The following NAB1 variants were observed in gnomAD, a reference collection of about 807,000 sequenced individuals.
The protein encoded by NAB1 is NGFI-A-binding protein 1.
NAB1 carries 25 observed loss-of-function variants against 49.9 expected under a neutral mutation model. The ratio of observed to expected loss-of-function variants is 0.50; its 90% confidence interval spans 0.37 to 0.70. The LOEUF (loss-of-function observed/expected upper bound fraction) is 0.70. NAB1 is among the 30% of genes least tolerant of loss of function. NAB1 has a pLI of 0.00. For missense variants in NAB1, 489 were observed against 575.9 expected, an observed-to-expected ratio of 0.85 and a Z score of 1.54; for synonymous variants, 198 against 215.6, an observed-to-expected ratio of 0.92 and a Z score of 0.71.
At position 190,677,323 on chromosome 2, in the gene NAB1, C is replaced by T. The variant is rs888540610; in HGVS notation, c.1005+4171C>T. 3 of 152,048 alleles carry T rather than the reference C, an allele frequency of 2.0e-5. No homozygotes were observed. Among genetic ancestry groups the T allele is most frequent in the African/African-American group, 7.2e-5 (3 of 41,396 alleles). The allele number at this position is 152,048 out of a possible 1,614,324, so 9.4% of individuals were successfully genotyped here. On this transcript the variant is annotated intron_variant, in intron 6 of 9. Coordinates refer to ENST00000337386, the MANE Select transcript of NAB1 (RefSeq NM_005966.4). The surrounding 1 kb of genome is among the most constrained non-coding windows in gnomAD (Gnocchi z 5.6). ...AAAAACAGATTTTGAACTTTAATTC[C>T]TAGAATATATGAGATGGACATGGAG...
rs1693829915 is a variant in NAB1 at position 190,654,638 on chromosome 2, G to C, written c.-196-1339G>C. On this transcript the variant is annotated intron_variant, in intron 2 of 9. Coordinates refer to ENST00000337386, the MANE Select transcript of NAB1 (RefSeq NM_005966.4). This position sits in a 1 kb window ranked among gnomAD's most constrained non-coding sequence, Gnocchi z 5.6. ...TGGGTCTGGGATGCCTATATGAGTA[G>C]TTTGGATTTCTTTCTCTGCACTGGT... Among the ~76,000 whole-genome samples the C allele has an allele frequency of 1.8e-5, 1 of 54,852 alleles. No homozygotes were observed. The highest frequency in any genetic ancestry group is 8.2e-4 in the South Asian group (1 of 1,220). 36.0% of individuals were successfully genotyped at this position (54,852 alleles called of 152,430 possible).
Position 190,659,477 on chromosome 2 carries a change from G to A in NAB1, c.301G>A (p.Glu101Lys), listed in dbSNP as rs1694104335. ...VSSIPIYKLPEGSPTWLGISC... is the reference protein window; with the variant it reads ...VSSIPIYKLPKGSPTWLGISC... Reference sequence around the variant, plus strand: ...TAGCATACCCATCTATAAATTACCAGAGGGATCACCAACATGGCTGGGAAT... The same window carrying A: ...TAGCATACCCATCTATAAATTACCAAAGGGATCACCAACATGGCTGGGAAT... The change falls in exon 4 of 10, where the codon GAG (glutamate) becomes AAG (lysine). Residue 101 changes from glutamate to lysine, a missense_variant. Glu to Lys is a moderately conservative substitution (Grantham distance 56). Coordinates refer to ENST00000337386, the MANE Select transcript of NAB1 (RefSeq NM_005966.4). This position sits in a 1 kb window ranked among gnomAD's most constrained non-coding sequence, Gnocchi z 6.2. The A allele has an allele frequency of 6.2e-7, 1 of 1,614,100 alleles. No individual in the cohort carries two copies.
At position 190,669,745 on chromosome 2, in the gene NAB1, A is replaced by C. The variant is rs1031381180; in HGVS notation, c.820-581A>C. Among the ~76,000 whole-genome samples, 6 of 152,212 alleles carry C rather than the reference A, an allele frequency of 3.9e-5. No homozygotes were observed. Among genetic ancestry groups the C allele is most frequent in the African/African-American group, 1.4e-4 (6 of 41,452 alleles). Reference sequence around the variant, plus strand: ...CAACTCTATATTGGCAATATTTAATAATTACTGAATTATGAAAGGGTGGTA... The same window carrying C: ...CAACTCTATATTGGCAATATTTAATCATTACTGAATTATGAAAGGGTGGTA... On this transcript the variant is annotated intron_variant, in intron 4 of 9. Transcript: ENST00000337386. The surrounding 1 kb of genome is among the most constrained non-coding windows in gnomAD (Gnocchi z 4.3).
intron 4 of NAB1, among the ~76,000 whole-genome samples, chr2:190,664,634 G>A (rs1172595991): frequency 9.4e-5 from 9 of 95,534 alleles, no homozygotes; most frequent in Admixed American, 3.4e-4. Flanking sequence ...GGGTTTCCAC[G>A]TTGCCCAGGC....
chr2:190,670,070 TAACCAA>T lies in NAB1; in HGVS notation c.820-253_820-248del, dbSNP rs1694727774. On this transcript the variant is annotated intron_variant, in intron 4 of 9. Coordinates refer to ENST00000337386, the MANE Select transcript of NAB1 (RefSeq NM_005966.4). The surrounding 1 kb of genome is among the most constrained non-coding windows in gnomAD (Gnocchi z 5.3). ...CTTGTCGTCTATAAACTCTCCTATC[TAACCAA>T]AAAAAGGATATAAATAAATAAAATC... 6.6e-6 allele frequency among the ~76,000 whole-genome samples: 1 copy of T among 152,076 alleles called. No homozygotes were observed. The highest frequency in any genetic ancestry group is 2.4e-5 in the African/African-American group (1 of 41,414).
chr2:190,660,155 A>C (rs1242707096), intron 4 of NAB1, among the ~76,000 whole-genome samples, 160 bp downstream of exon 4: 1 of 152,246 alleles, frequency 6.6e-6, no homozygotes, highest in African/African-American at 2.4e-5. Context: ...GTGAAAATAG[A>C]CCATATTTAT....
chr2:190,687,152 C>A, intron 8 of NAB1, 49 bp from the exon 9 acceptor site: 1 of 1,219,076 alleles, frequency 8.2e-7, no homozygotes, highest in Non-Finnish European at 1.1e-6. Context: ...TTAAGAAAAA[C>A]CATGGTATGT....
rs1290677104 is a variant in NAB1, at chr2:190,670,337, T to C, written c.831T>C (p.Asn277=). ...TTTTGGATATCCAGCTCACTGTTAATGAAGCGGCTGCTCAACTCTGTGTGA... is the reference window on the plus strand; with the variant it reads ...TTTTGGATATCCAGCTCACTGTTAACGAAGCGGCTGCTCAACTCTGTGTGA... ...KHLTLHELTV[N]EAAAQLCVKD... Residue 277 remains asparagine, a synonymous_variant, in exon 5 of 10, where the codon AAT becomes AAC. Coordinates refer to ENST00000337386, the MANE Select transcript of NAB1 (RefSeq NM_005966.4). This position sits in a 1 kb window ranked among gnomAD's most constrained non-coding sequence, Gnocchi z 5.3. The C allele has an allele frequency of 6.2e-7, 1 of 1,610,280 alleles. No individual in the cohort carries two copies. The highest frequency in any genetic ancestry group is 2.2e-5 in the East Asian group (1 of 44,806).
Position 190,659,864 on chromosome 2 carries a change from A to G in NAB1, c.688A>G (p.Lys230Glu), listed in dbSNP as rs769308730. ...GCTAAAAACCAACAAGAAGTTGGCC[A>G]AAATGATTGGTCACATCTTTGAGAT... ...ELLKTNKKLA[K>E]MIGHIFEMND... The change falls in exon 4 of 10, where the codon AAA (lysine) becomes GAA (glutamate). Residue 230 changes from lysine to glutamate, a missense_variant. Physicochemically the swap from Lys to Glu is moderately conservative, Grantham distance 56. Around this residue, in one of 4 missense-constraint regions of NAB1, gnomAD observed 204 missense variants for 220.9 expected, o/e 0.92. Coordinates refer to ENST00000337386, the MANE Select transcript of NAB1 (RefSeq NM_005966.4). This position sits in a 1 kb window ranked among gnomAD's most constrained non-coding sequence, Gnocchi z 6.2. 6.2e-7 allele frequency: 1 copy of G among 1,614,260 alleles called. No individual in the cohort carries two copies. The highest frequency in any genetic ancestry group is 8.5e-7 in the Non-Finnish European group (1 of 1,180,046).
At position 190,652,855 on chromosome 2, in the gene NAB1, T is replaced by C. The variant is rs1343885655; in HGVS notation, c.-197+2873T>C. Among the ~76,000 whole-genome samples, 2 of 152,174 alleles carry C rather than the reference T, an allele frequency of 1.3e-5. No individual in the cohort carries two copies. Among genetic ancestry groups the C allele is most frequent in the African/African-American group, 2.4e-5 (1 of 41,416 alleles). On this transcript the variant is annotated intron_variant, in intron 2 of 9. Transcript: ENST00000337386. The surrounding 1 kb of genome is among the most constrained non-coding windows in gnomAD (Gnocchi z 4.2). ...CTATATTTAATCATTTTAGCTTGAG[T>C]TCTGGGTCTAGGATGAGAATAAAAG...
rs1159151062 is a variant in NAB1, at chr2:190,683,775, T to C, written c.1043T>C (p.Leu348Pro). 6.2e-7 allele frequency: 1 copy of C among 1,613,900 alleles called. No individual in the cohort carries two copies. Among genetic ancestry groups the C allele is most frequent in the Non-Finnish European group, 8.5e-7 (1 of 1,179,958 alleles). The change falls in exon 7 of 10, where the codon CTC becomes CCC. Residue 348 changes from leucine to proline, a missense_variant. Physicochemically the swap from Leu to Pro is moderately conservative, Grantham distance 98 (BLOSUM62 -3). Around this residue, in one of 4 missense-constraint regions of NAB1, gnomAD observed 212 missense variants for 199.3 expected, o/e 1.06. Coordinates refer to ENST00000337386, the MANE Select transcript of NAB1 (RefSeq NM_005966.4). ...FPDFQDSVQT[L>P]FQQARAKSEE... ...GATTTCCAGGATTCTGTGCAAACACTCTTCCAGCAGGCTAGAGCTAAGAGT... is the reference window on the plus strand; with the variant it reads ...GATTTCCAGGATTCTGTGCAAACACCCTTCCAGCAGGCTAGAGCTAAGAGT...
rs1693726237 is a variant in NAB1, at chr2:190,652,606, A to G, written c.-197+2624A>G. Among the ~76,000 whole-genome samples, 1 of 152,230 alleles carries G rather than the reference A, an allele frequency of 6.6e-6. No individual in the cohort carries two copies. The highest frequency in any genetic ancestry group is 1.5e-5 in the Non-Finnish European group (1 of 68,036). ...CCATTCAGAATTTAGAAACGAATCA[A>G]TAAGAGACAACATTTTAAGTTTCCC... On this transcript the variant is annotated intron_variant, in intron 2 of 9. Coordinates refer to ENST00000337386, the MANE Select transcript of NAB1 (RefSeq NM_005966.4). The surrounding 1 kb of genome is among the most constrained non-coding windows in gnomAD (Gnocchi z 4.2).
chr2:190,673,054 G>T (rs774565487), intron 5 of NAB1, 47 bp from the exon 6 acceptor site: 2 of 1,571,028 alleles, frequency 1.3e-6, no homozygotes, highest in Admixed American at 3.5e-5. Flanking sequence ...AATAAAATCA[G>T]TTACTTTCTC....
intron 5 of NAB1, among the ~76,000 whole-genome samples, chr2:190,671,834 A>T (rs187885136): frequency 7.5e-6 from 1 of 133,112 alleles, no homozygotes; most frequent in Non-Finnish European, 1.5e-5. Context: ...GGAGTGCAAT[A>T]GCTCGATCTT....
At chr2:190,649,006 A>T (rs896723618), upstream of NAB1, 1 of 69,650 alleles carries the variant, frequency 1.4e-5, no homozygotes, top group African/African-American at 5.3e-5. The surrounding 1 kb of genome is among the most constrained non-coding windows in gnomAD (Gnocchi z 6.1). Context: ...CGGGCGGGGG[A>T]GGGGGAGGAG....
chr2:190,687,443 A>C, intron 9 of NAB1, 126 bp downstream of exon 9: 1 of 589,836 alleles, frequency 1.7e-6, no homozygotes, highest in Non-Finnish European at 2.9e-6. Context: ...GTGTTCCTAC[A>C]GGTTGAGTAT....
At position 190,677,965 on chromosome 2, in the gene NAB1, T is replaced by C. The variant is rs1200916390; in HGVS notation, c.1005+4813T>C. ...CAGGACTGGTAGTCTTTGAAAAGGG[T>C]GGATGGTGGCAGTTATTATTTTCTA... On this transcript the variant is annotated intron_variant, in intron 6 of 9. Coordinates refer to ENST00000337386, the MANE Select transcript of NAB1 (RefSeq NM_005966.4). The surrounding 1 kb of genome is among the most constrained non-coding windows in gnomAD (Gnocchi z 5.6). 6.6e-6 allele frequency among the ~76,000 whole-genome samples: 1 copy of C among 152,124 alleles called. No homozygotes were observed. The highest frequency in any genetic ancestry group is 1.5e-5 in the Non-Finnish European group (1 of 68,028).
chr2:190,660,348 A>C (rs1694160388), intron 4 of NAB1, among the ~76,000 whole-genome samples: 1 of 152,352 alleles, frequency 6.6e-6, no homozygotes, highest in Admixed American at 6.5e-5. Context: ...TTTAAAAAAC[A>C]TTTTTGTAGG....
At chr2:190,665,178 C>T (rs1007923520) in intron 4 of NAB1, among the ~76,000 whole-genome samples, 8 of 151,942 alleles carry the variant, frequency 5.3e-5, no homozygotes, top group African/African-American at 7.3e-5. Flanking sequence ...TGTAAATTAG[C>T]GGGGCGTGGT....
Sources: gnomAD v4.1 joint callset for allele counts (sites outside exome capture counted in the v4.1 genomes callset) on GRCh38, gnomAD v4.1.1 for gene constraint, gnomAD v4.1.1 regional missense constraint, Gnocchi (gnomAD v3.1) non-coding constraint, MANE v1.5 for transcripts, NCBI Gene and HGNC (gene_info 2026-07-23, HGNC 2026-07-21) for gene names.